PALM2AKAP2: variants seen among roughly 807,000 people sequenced by gnomAD.
PALM2AKAP2 encodes PALM2-AKAP2 fusion protein.
PALM2AKAP2 carries 37 observed loss-of-function variants against 71.5 expected under a neutral mutation model. The observed-to-expected ratio is 0.52, with a 90% confidence interval of 0.40 to 0.68. PALM2AKAP2 has a LOEUF of 0.68. Among genes scored for constraint, PALM2AKAP2 ranks in the 30% least tolerant of loss-of-function variants. The pLI is 0.00. For missense variants in PALM2AKAP2, 1,224 were observed against 1,191.8 expected, an observed-to-expected ratio of 1.03 and a Z score of -0.40; for synonymous variants, 468 against 478.8, an observed-to-expected ratio of 0.98 and a Z score of 0.29.
At chr9:109,698,476 G>C (rs1028375129) in intron 1 of PALM2AKAP2, among the ~76,000 whole-genome samples, 2 of 151,890 alleles carry the variant, frequency 1.3e-5, no homozygotes, top group African/African-American at 2.4e-5. Context: ...ACAGAGTTTC[G>C]GCATATTGGC....
chr9:110,109,420 A>C (rs919316384), intron 1 of PALM2AKAP2, among the ~76,000 whole-genome samples: 2 of 151,618 alleles, frequency 1.3e-5, no homozygotes, highest in Non-Finnish European at 2.9e-5. Flanking sequence ...TTCGGAGGTC[A>C]TGTTTCAGGG....
chr9:109,806,295 G>C (rs1408488235), intron 1 of PALM2AKAP2, among the ~76,000 whole-genome samples: 2 of 152,160 alleles, frequency 1.3e-5, no homozygotes, highest in East Asian at 1.9e-4. Context: ...CTGAACTCCA[G>C]CTTAAAGCTA....
chr9:110,055,185 T>A (rs1564281686), intron 1 of PALM2AKAP2, among the ~76,000 whole-genome samples: 1 of 150,766 alleles, frequency 6.6e-6, no homozygotes, highest in African/African-American at 2.4e-5. Flanking sequence ...TTTTTTTAAA[T>A]TTTTATTTAT....
intron 6 of PALM2AKAP2, among the ~76,000 whole-genome samples, chr9:109,952,690 C>T (rs2132084438): frequency 6.6e-6 from 1 of 152,314 alleles, no homozygotes; most frequent in East Asian, 1.9e-4. Flanking sequence ...TCAGATTCAT[C>T]TTACACAGTG....
intron 3 of PALM2AKAP2, among the ~76,000 whole-genome samples, chr9:109,912,161 G>C (rs1830584516): frequency 6.6e-6 from 1 of 152,166 alleles, no homozygotes; most frequent in African/African-American, 2.4e-5. Context: ...AGAACATGGA[G>C]GGTGTGAACT....
At chr9:109,867,048 C>T in intron 1 of PALM2AKAP2, 1 of 456,704 alleles carries the variant, frequency 2.2e-6, no homozygotes, top group Non-Finnish European at 4.4e-6. Flanking sequence ...AAATCTCACC[C>T]AGAATTTCCC....
intron 1 of PALM2AKAP2, among the ~76,000 whole-genome samples, chr9:109,702,997 T>A (rs369223049): frequency 6.6e-6 from 1 of 152,078 alleles, no homozygotes; most frequent in East Asian, 1.9e-4. Flanking sequence ...TTTTGTATTT[T>A]TAGTAGAGAT....
intron 6 of PALM2AKAP2, among the ~76,000 whole-genome samples, chr9:109,963,856 G>A (rs1458567555): frequency 6.6e-6 from 1 of 152,228 alleles, no homozygotes; most frequent in Non-Finnish European, 1.5e-5. Context: ...TGAAGGTAGC[G>A]TATGTGTGGA....
intron 7 of PALM2AKAP2, among the ~76,000 whole-genome samples, chr9:110,034,409 C>A (rs551458751): frequency 6.6e-6 from 1 of 152,106 alleles, no homozygotes; most frequent in Non-Finnish European, 1.5e-5. Flanking sequence ...CTGCTCGCCT[C>A]GGCCTCCCAA....
At chr9:109,664,949 A>G (rs1827458078) in intron 1 of PALM2AKAP2, among the ~76,000 whole-genome samples, 1 of 152,070 alleles carries the variant, frequency 6.6e-6, no homozygotes, top group African/African-American at 2.4e-5. Context: ...TCAGTCACTG[A>G]TACCCTTTCT....
chr9:110,090,243 C>T (rs1441386782), intron 1 of PALM2AKAP2: 3 of 417,734 alleles, frequency 7.2e-6, no homozygotes, highest in African/African-American at 4.1e-5. Context: ...CCTGCTTCCC[C>T]TGAAATCCTG....
At chr9:109,816,626 G>A (rs4295727) in intron 1 of PALM2AKAP2, among the ~76,000 whole-genome samples, 47,528 of 152,030 alleles carry the variant, frequency 0.31, 7,843 homozygotes, top group African/African-American at 0.41. Context: ...TGGGAATAGG[G>A]TTGAATGAGT....
At chr9:109,665,060 T>C (rs1414895875) in intron 1 of PALM2AKAP2, among the ~76,000 whole-genome samples, 1 of 152,176 alleles carries the variant, frequency 6.6e-6, no homozygotes, top group East Asian at 1.9e-4. Flanking sequence ...TTCTCTACAG[T>C]GTTTGTTCTA....
intron 1 of PALM2AKAP2, among the ~76,000 whole-genome samples, chr9:109,845,531 ACC>A (rs1828830983): frequency 6.6e-6 from 1 of 152,092 alleles, no homozygotes; most frequent in Non-Finnish European, 1.5e-5. Context: ...GTCCTGGGTG[ACC>A]CTTACTGCGT....
Position 110,161,971 on chromosome 9 carries a change from A to G in PALM2AKAP2, c.2748+5474A>G. The G allele has an allele frequency of 6.1e-6, 8 of 1,320,616 alleles. No individual in the cohort carries two copies. The Admixed American group carries it at 1.1e-4, about 18-fold the overall frequency. The allele number at this position is 1,320,616 out of a possible 1,614,324, so 81.8% of individuals were successfully genotyped here. A position where few individuals can be genotyped will look rare whatever the true frequency, so the allele number is the denominator to read the frequency against. On this transcript the variant is annotated intron_variant, in intron 3 of 3. Coordinates refer to ENST00000374525, the Ensembl canonical transcript of PALM2AKAP2. ...GAGAAAGTTTTGGCATGGGTGTAGA[A>G]TGGCCTCCTGGTATTACTTCCCCTC...
chr9:109,879,698 G>GT lies in PALM2AKAP2; in HGVS notation c.127-853_127-852insT, dbSNP rs1564192843. ...GTACACTTGCAAACATGGGATGTAT[G>GT]GTTTTTTTTTTTTTTTTTGACAGGG... On this transcript the variant is annotated intron_variant, in intron 2 of 9. Coordinates refer to the PALM2AKAP2 transcript ENST00000302798. 5.8e-3 allele frequency among the ~76,000 whole-genome samples: 675 copies of GT among 117,218 alleles called. 5 individuals are homozygous for GT. The highest frequency in any genetic ancestry group is 0.019 in the African/African-American group (634 of 33,860). 76.9% of individuals were successfully genotyped at this position (117,218 alleles called of 152,430 possible).
chr9:110,019,166 G>A (rs1833030790), intron 7 of PALM2AKAP2, among the ~76,000 whole-genome samples: 1 of 151,092 alleles, frequency 6.6e-6, no homozygotes, highest in South Asian at 2.1e-4. Flanking sequence ...CTTGAACCAG[G>A]GAGGCAGAGA....
intron 1 of PALM2AKAP2, among the ~76,000 whole-genome samples, chr9:109,653,162 G>A (rs1476835225): frequency 1.3e-5 from 2 of 152,196 alleles, no homozygotes; most frequent in Admixed American, 6.5e-5. Context: ...CAGCATTGTG[G>A]AGAATGCCTG....
chr9:109,924,890 G>A (rs1026266695), intron 4 of PALM2AKAP2, among the ~76,000 whole-genome samples, 171 bp from the exon 5 acceptor site: 5 of 152,120 alleles, frequency 3.3e-5, no homozygotes, highest in African/African-American at 1.2e-4. Context: ...TTATAATTTT[G>A]GAATTCTAAA....
Sources: allele counts gnomAD v4.1 joint callset (sites outside exome capture counted in the v4.1 genomes callset), GRCh38; gene constraint gnomAD v4.1.1; transcripts MANE v1.5; gene names NCBI Gene and HGNC (gene_info 2026-07-23, HGNC 2026-07-21).